ZMIZ1: variants seen among roughly 807,000 people sequenced by gnomAD.
ZMIZ1 encodes zinc finger MIZ domain-containing protein 1.
ZMIZ1 carries 17 observed loss-of-function variants against 113.9 expected under a neutral mutation model. That is an observed-to-expected ratio of 0.15 (90% CI 0.10 to 0.22). The LOEUF (loss-of-function observed/expected upper bound fraction) is 0.22. Ranked by LOEUF, ZMIZ1 falls within the 10% of genes least tolerant of loss-of-function variation. ZMIZ1 has a pLI of 1.00. For synonymous variants in ZMIZ1, 607 were observed against 603.1 expected (o/e 1.01, Z -0.09); for missense variants, 1,059 against 1,477.8 (o/e 0.72, Z 4.65).
In ZMIZ1 at chr10:79,312,631, T is replaced by G. The variant is rs1375105988; in HGVS notation, c.3097-11T>G. 5.0e-6 allele frequency: 8 copies of G among 1,614,088 alleles called. No individual in the cohort carries two copies. The South Asian group carries it at 8.8e-5, about 18-fold the overall frequency. ...CACCTCATCTGAACTTCATTACTCC[T>G]TCTTTTCCAGCTCCTTCCCGAACTC... On this transcript the variant is annotated splice_polypyrimidine_tract_variant and intron_variant, in intron 24 of 24. Transcript: ENST00000334512.
intron 8 of ZMIZ1, among the ~76,000 whole-genome samples, chr10:79,282,948 C>T (rs1346341598): frequency 6.6e-6 from 1 of 152,240 alleles, no homozygotes; most frequent in Admixed American, 6.5e-5. Context: ...CTTCCAAGTC[C>T]CTGCAGTGAC....
chr10:79,080,903 G>A (rs767012373), intron 1 of ZMIZ1, among the ~76,000 whole-genome samples: 5 of 152,044 alleles, frequency 3.3e-5, no homozygotes, highest in Non-Finnish European at 7.4e-5. Context: ...TGCTCCACCC[G>A]AAGGCTCTGG....
At chr10:79,079,086 C>G (rs1589247556) in intron 1 of ZMIZ1, among the ~76,000 whole-genome samples, 1 of 152,352 alleles carries the variant, frequency 6.6e-6, no homozygotes, top group Non-Finnish European at 1.5e-5. Context: ...TCTTTTTAAC[C>G]CACCCTCCAG....
intron 7 of ZMIZ1, among the ~76,000 whole-genome samples, chr10:79,267,472 T>C (rs1851676896): frequency 6.6e-6 from 1 of 152,252 alleles, no homozygotes; most frequent in African/African-American, 2.4e-5. Flanking sequence ...TGCCTGGTAT[T>C]GTACCAACAT....
chr10:79,166,960 C>T (rs1319953097), intron 4 of ZMIZ1, among the ~76,000 whole-genome samples: 1 of 152,286 alleles, frequency 6.6e-6, no homozygotes, highest in East Asian at 1.9e-4. Flanking sequence ...TTCACAGCCA[C>T]ATCACATGCT....
chr10:79,311,280 A>T, intron 24 of ZMIZ1, 96 bp downstream of exon 24: 14 of 218,458 alleles, frequency 6.4e-5, no homozygotes, highest in East Asian at 9.0e-5. Context: ...GAGGCCCCGA[A>T]GGGAGGAGGT....
Position 79,296,632 on chromosome 10 carries a change from C to A in ZMIZ1, c.1392C>A (p.Val464=). The A allele has an allele frequency of 6.3e-7, 1 of 1,577,554 alleles. No homozygotes were observed. Among genetic ancestry groups the A allele is most frequent in the Non-Finnish European group, 8.6e-7 (1 of 1,160,828 alleles). ...CCGGGCAGTACCCGCCCCCCACGGT[C>A]AACATGGGGCAGTATTACAAGGTGA... is the stretch of plus-strand genomic sequence containing the variant. The part of the protein sequence containing the change: ...PSSGQYPPPT[V]NMGQYYKPEQ... The change falls in exon 13 of 25, where the codon GTC becomes GTA. Residue 464 remains valine, a synonymous_variant. Coordinates refer to ENST00000334512, the MANE Select transcript of ZMIZ1 (RefSeq NM_020338.4). This position sits in a 1 kb window ranked among gnomAD's most constrained non-coding sequence, Gnocchi z 4.1.
At chr10:79,287,304 G>A (rs998579102) in intron 8 of ZMIZ1, among the ~76,000 whole-genome samples, 15 of 152,166 alleles carry the variant, frequency 9.9e-5, no homozygotes, top group African/African-American at 3.1e-4. Flanking sequence ...TCTCCAATCC[G>A]CCACCTGGAG....
chr10:79,291,267 G>A (rs1411495183), intron 10 of ZMIZ1, 91 bp downstream of exon 10: 9 of 1,386,826 alleles, frequency 6.5e-6, no homozygotes, highest in South Asian at 4.4e-5. Context: ...CCAGCTCCAC[G>A]CTTTCTGCCC....
chr10:79,203,514 G>C (rs1323710258), intron 5 of ZMIZ1, among the ~76,000 whole-genome samples: 1 of 152,018 alleles, frequency 6.6e-6, no homozygotes, highest in African/African-American at 2.4e-5. Flanking sequence ...CCCACCCTTG[G>C]CTCAGCTGGC....
rs374458977 is a variant in ZMIZ1 at position 79,286,518 on chromosome 10, G to A, written c.426-3257G>A. Among the ~76,000 whole-genome samples, 30 of 152,382 alleles carry A rather than the reference G, an allele frequency of 2.0e-4. No individual in the cohort carries two copies. In the East Asian group the frequency reaches 4.1e-3, roughly 21 times the overall value. On this transcript the variant is annotated intron_variant, in intron 8 of 24. Transcript: ENST00000334512. ...AGCTAGTCCTGAGACTGCCCCACACGCTGTGCCTGTCTCTTCCCCAGTGCA... is the reference window on the plus strand; with the variant it reads ...AGCTAGTCCTGAGACTGCCCCACACACTGTGCCTGTCTCTTCCCCAGTGCA...
At chr10:79,161,096 G>A (rs1008014203) in intron 3 of ZMIZ1, among the ~76,000 whole-genome samples, 1 of 152,186 alleles carries the variant, frequency 6.6e-6, no homozygotes, top group Non-Finnish European at 1.5e-5. Context: ...AGATGGGCCA[G>A]CTGAGCCCCA....
chr10:79,246,179 T>C (rs1418504735), intron 7 of ZMIZ1, among the ~76,000 whole-genome samples: 1 of 152,232 alleles, frequency 6.6e-6, no homozygotes, highest in African/African-American at 2.4e-5. Context: ...GAGGGTGGCA[T>C]GAGTCCCAGG....
At chr10:79,233,043 T>C (rs545238355) in intron 7 of ZMIZ1, among the ~76,000 whole-genome samples, 1 of 152,328 alleles carries the variant, frequency 6.6e-6, no homozygotes, top group African/African-American at 2.4e-5. Context: ...CTGTCAGTAC[T>C]GGTTGTTCCT....
At chr10:79,171,198 AG>A (rs1846585608) in intron 4 of ZMIZ1, among the ~76,000 whole-genome samples, 1 of 152,234 alleles carries the variant, frequency 6.6e-6, no homozygotes, top group Non-Finnish European at 1.5e-5. Context: ...GTTAATAAGC[AG>A]AGGTGAAAAA....
chr10:79,236,737 A>G (rs1290941745), intron 7 of ZMIZ1, among the ~76,000 whole-genome samples: 2 of 152,154 alleles, frequency 1.3e-5, no homozygotes, highest in Non-Finnish European at 2.9e-5. Context: ...AGAGGCTGTG[A>G]TTGTTCACTG....
chr10:79,161,787 G>C (rs944979289), intron 3 of ZMIZ1, among the ~76,000 whole-genome samples: 2 of 152,196 alleles, frequency 1.3e-5, no homozygotes, highest in Non-Finnish European at 2.9e-5. Flanking sequence ...GGATTCTCCC[G>C]GTGACCTTGA....
intron 4 of ZMIZ1, among the ~76,000 whole-genome samples, chr10:79,179,847 T>C (rs1056172670): frequency 2.0e-5 from 3 of 152,114 alleles, no homozygotes; most frequent in Non-Finnish European, 4.4e-5. Flanking sequence ...CCGAGGCAGG[T>C]GGGGACCAGG....
chr10:79,090,088 C>T (rs949630108), intron 1 of ZMIZ1, among the ~76,000 whole-genome samples: 2 of 152,356 alleles, frequency 1.3e-5, no homozygotes, highest in Admixed American at 6.5e-5. Context: ...TTCTGAATGA[C>T]CCTACTGCTG....
Sources: gnomAD v4.1 joint callset for allele counts (sites outside exome capture counted in the v4.1 genomes callset) on GRCh38, gnomAD v4.1.1 for gene constraint, Gnocchi (gnomAD v3.1) non-coding constraint, MANE v1.5 for transcripts, NCBI Gene and HGNC (gene_info 2026-07-23, HGNC 2026-07-21) for gene names.